Variants in SCN10A observed in about 807,000 individuals in gnomAD.
SCN10A encodes sodium channel protein type 10 subunit alpha.
Under a neutral mutation model 170.7 loss-of-function variants are expected in SCN10A, and 162 were observed. The ratio of observed to expected loss-of-function variants is 0.95; its 90% CI spans 0.84 to 1.08. The LOEUF (loss-of-function observed/expected upper bound fraction) is 1.08, where lower values mean the gene tolerates loss of function less well. SCN10A is among the 50% of genes least tolerant of loss of function. SCN10A has a pLI of 0.00. For synonymous variants in SCN10A, 985 were observed against 904.6 expected (o/e 1.09, Z -1.59); for missense variants, 2,527 against 2,436.9 (o/e 1.04, Z -0.78).
intron 1 of SCN10A, among the ~76,000 whole-genome samples, chr3:38,803,195 G>A (rs1012232879): frequency 2.6e-5 from 4 of 152,308 alleles, no homozygotes; most frequent in South Asian, 2.1e-4. Flanking sequence ...ATTTTACACT[G>A]TTGGTGGGAC....
intron 15 of SCN10A, among the ~76,000 whole-genome samples, chr3:38,739,220 GC>G (rs2126012125): frequency 6.6e-6 from 1 of 152,332 alleles, no homozygotes; most frequent in South Asian, 2.1e-4. Flanking sequence ...AGTATTAGCT[GC>G]TGTGATTATT....
intron 1 of SCN10A, among the ~76,000 whole-genome samples, chr3:38,805,938 G>A (rs114067562): frequency 2.0e-5 from 3 of 152,168 alleles, no homozygotes; most frequent in African/African-American, 7.2e-5. Context: ...CAGGGCGGAC[G>A]AAAGTGCGTG....
rs771909114 is a variant in SCN10A at position 38,709,514 on chromosome 3, C to A, written c.4245G>T (p.Gly1415=). ...GGFFTLNLFV[G]VIIDNFNQQK... is the part of the protein sequence containing the mutation. Reference sequence around the variant, plus strand: ...GTTGATTGAAGTTGTCAATTATGACCCCAACAAAGAGATTCAGTGTGAAGA... The same window carrying A: ...GTTGATTGAAGTTGTCAATTATGACACCAACAAAGAGATTCAGTGTGAAGA... The change falls in exon 25 of 28, where the codon GGG becomes GGT. Residue 1415 remains glycine, a synonymous_variant. Transcript: ENST00000449082. 1.2e-6 allele frequency: 2 copies of A among 1,611,396 alleles called. No homozygotes were observed. The highest frequency in any genetic ancestry group is 2.7e-5 in the African/African-American group (2 of 74,756).
chr3:38,777,731 G>A (rs751979729), intron 4 of SCN10A, among the ~76,000 whole-genome samples: 1 of 152,054 alleles, frequency 6.6e-6, no homozygotes, highest in African/African-American at 2.4e-5. Flanking sequence ...GTTGACTCAG[G>A]ATGTGACAAT....
At position 38,713,308 on chromosome 3, in the gene SCN10A, C is replaced by T. The variant is rs577817761; in HGVS notation, c.3804+650G>A. On this transcript the variant is annotated intron_variant, in intron 22 of 27. Transcript: ENST00000449082. ...CTGAGGTAATGAGCTGATGATGTCA[C>T]TCATGGAGTATTAGAGGAAAGACTC... Among the ~76,000 whole-genome samples, 5 of 152,202 alleles carry T rather than the reference C, an allele frequency of 3.3e-5. No homozygotes were observed. In the South Asian group the frequency reaches 8.3e-4, roughly 25 times the overall value.
chr3:38,771,225 C>A, intron 5 of SCN10A, 54 bp downstream of exon 5: 1 of 1,595,820 alleles, frequency 6.3e-7, no homozygotes, highest in Non-Finnish European at 8.6e-7. Context: ...CTCCTACCCA[C>A]CATTTTGTCC....
chr3:38,786,565 T>A (rs751438322), intron 4 of SCN10A, among the ~76,000 whole-genome samples: 10 of 152,046 alleles, frequency 6.6e-5, no homozygotes, highest in Non-Finnish European at 1.2e-4. Context: ...CACCATGACA[T>A]GTGTATACCT....
intron 26 of SCN10A, among the ~76,000 whole-genome samples, chr3:38,707,025 G>A (rs893693906): frequency 2.6e-5 from 4 of 152,250 alleles, no homozygotes; most frequent in South Asian, 4.1e-4. Context: ...AAAACTGTTG[G>A]AGAAACTCAG....
intron 4 of SCN10A, among the ~76,000 whole-genome samples, chr3:38,781,549 A>G (rs772645482): frequency 1.3e-5 from 2 of 152,046 alleles, no homozygotes; most frequent in Non-Finnish European, 2.9e-5. Context: ...TCACCAACCA[A>G]CTACCACTTC....
intron 1 of SCN10A, among the ~76,000 whole-genome samples, chr3:38,811,473 T>A (rs1490222574): frequency 1.3e-5 from 2 of 149,628 alleles, no homozygotes; most frequent in Non-Finnish European, 3.0e-5. Context: ...AAAATAGAAC[T>A]ATGAAGTAGT....
chr3:38,709,197 G>A (rs900320800), intron 25 of SCN10A, among the ~76,000 whole-genome samples: 6 of 152,132 alleles, frequency 3.9e-5, no homozygotes, highest in African/African-American at 1.4e-4. Context: ...TATTCTCCCA[G>A]GGCTCACTTG....
chr3:38,808,083 A>G (rs2064416675), intron 1 of SCN10A, among the ~76,000 whole-genome samples: 1 of 152,082 alleles, frequency 6.6e-6, no homozygotes, highest in Non-Finnish European at 1.5e-5. Context: ...AATGTCTTTC[A>G]TTCATTCACA....
intron 1 of SCN10A, among the ~76,000 whole-genome samples, chr3:38,807,779 T>G (rs1019688460): frequency 1.3e-5 from 2 of 152,174 alleles, no homozygotes; most frequent in Non-Finnish European, 2.9e-5. Flanking sequence ...ATATTCCCTA[T>G]TTAGTTAAAC....
At chr3:38,702,263 G>C (rs1174207368) in intron 26 of SCN10A, among the ~76,000 whole-genome samples, 154 bp from the exon 27 acceptor site, 1 of 152,186 alleles carries the variant, frequency 6.6e-6, no homozygotes, top group Non-Finnish European at 1.5e-5. Context: ...ACTTTTAGTT[G>C]ACTCTACCTC....
In SCN10A at chr3:38,728,869, G is replaced by A. The variant is rs980535305; in HGVS notation, c.2313C>T (p.Pro771=). 6.2e-7 allele frequency: 1 copy of A among 1,612,354 alleles called. No individual in the cohort carries two copies. The highest frequency in any genetic ancestry group is 8.5e-7 in the Non-Finnish European group (1 of 1,178,552). ...TGATCTTGATGAGTGTGTTTAAGGT[G>A]GGCCAGGATTTGGCCAGCTTGAATA... ...LRVFKLAKSW[P]TLNTLIKIIG... Residue 771 remains proline, a synonymous_variant, in exon 16 of 28, where the codon CCC becomes CCT. Coordinates refer to ENST00000449082, the MANE Select transcript of SCN10A (RefSeq NM_006514.4).
At chr3:38,796,110 G>A (rs1176394187) in intron 1 of SCN10A, among the ~76,000 whole-genome samples, 1 of 152,038 alleles carries the variant, frequency 6.6e-6, no homozygotes, top group Non-Finnish European at 1.5e-5. Flanking sequence ...AGTGTCTCAT[G>A]AGCACCTCAA....
intron 14 of SCN10A, among the ~76,000 whole-genome samples, 168 bp from the exon 15 acceptor site, chr3:38,739,856 G>C (rs1239015725): frequency 6.6e-6 from 1 of 152,216 alleles, no homozygotes; most frequent in South Asian, 2.1e-4. Context: ...AACAGTCAAC[G>C]TGACAGAATG....
chr3:38,700,591 C>T (rs1366879517), intron 27 of SCN10A, among the ~76,000 whole-genome samples: 2 of 152,186 alleles, frequency 1.3e-5, no homozygotes, highest in Admixed American at 1.3e-4. Flanking sequence ...TAGCTTTTTA[C>T]ATGTGGATCA....
At chr3:38,813,003 AGCCTGG>A (rs1236341815) in intron 1 of SCN10A, among the ~76,000 whole-genome samples, 3 of 152,150 alleles carry the variant, frequency 2.0e-5, no homozygotes, top group Non-Finnish European at 4.4e-5. Flanking sequence ...ACTGCACTCC[AGCCTGG>A]GTGTTGGAGT....
Sources: gnomAD v4.1 joint callset for allele counts (sites outside exome capture counted in the v4.1 genomes callset) on GRCh38, gnomAD v4.1.1 for gene constraint, MANE v1.5 for transcripts, NCBI Gene and HGNC (gene_info 2026-07-23, HGNC 2026-07-21) for gene names.